The following CHL1 variants were observed in gnomAD, a reference collection of about 807,000 sequenced individuals.
CHL1 encodes the protein cell adhesion molecule L1 like.
A neutral mutation model predicts 141.9 loss-of-function variants in CHL1; 96 were observed. That is an observed-to-expected ratio of 0.68 (90% confidence interval 0.57 to 0.80). The LOEUF is 0.80. Ranked by LOEUF, CHL1 falls within the 30% of genes least tolerant of loss-of-function variation. The probability of loss-of-function intolerance (pLI) is 0.00; values close to 1 mark genes in which losing one functional copy is unlikely to be tolerated. For missense variants in CHL1, 1,820 were observed against 1,457.2 expected, an observed-to-expected ratio of 1.25 and a Z score of -4.05; for synonymous variants, 613 against 502.2, an observed-to-expected ratio of 1.22 and a Z score of -2.95.
At chr3:211,789 T>A (rs1249581272) in intron 1 of CHL1, among the ~76,000 whole-genome samples, 3 of 152,240 alleles carry the variant, frequency 2.0e-5, no homozygotes, top group African/African-American at 7.2e-5. Context: ...AATTTAGTTC[T>A]GTATTGGTAA....
chr3:359,855 A>G (rs1414953706), intron 11 of CHL1, among the ~76,000 whole-genome samples: 1 of 152,186 alleles, frequency 6.6e-6, no homozygotes, highest in Non-Finnish European at 1.5e-5. Flanking sequence ...AAAAGCGTCA[A>G]GGGGGAAAAT....
intron 2 of CHL1, among the ~76,000 whole-genome samples, chr3:306,812 G>T (rs1222827249): frequency 6.6e-6 from 1 of 152,140 alleles, no homozygotes; most frequent in African/African-American, 2.4e-5. Context: ...ATCTCTGAAA[G>T]AATCTATTAA....
chr3:310,272 T>G (rs1213433269), intron 2 of CHL1, among the ~76,000 whole-genome samples: 1 of 151,960 alleles, frequency 6.6e-6, no homozygotes, highest in African/African-American at 2.4e-5. Flanking sequence ...CTCTATAATT[T>G]TTTTTTTAAT....
At chr3:232,885 C>T (rs1343530330) in intron 1 of CHL1, among the ~76,000 whole-genome samples, 3 of 152,146 alleles carry the variant, frequency 2.0e-5, no homozygotes, top group Admixed American at 2.0e-4. Context: ...TACTCCACTT[C>T]CTTTTCTACT....
At chr3:355,968 G>A (rs577389764) in intron 11 of CHL1, among the ~76,000 whole-genome samples, 1 of 152,170 alleles carries the variant, frequency 6.6e-6, no homozygotes, top group East Asian at 1.9e-4. Flanking sequence ...ACTGACTCAC[G>A]GGGTTGTTTT....
intron 2 of CHL1, among the ~76,000 whole-genome samples, chr3:249,814 T>G (rs1324584160): frequency 6.6e-6 from 1 of 152,178 alleles, no homozygotes; most frequent in Non-Finnish European, 1.5e-5. Context: ...TATGTAATTT[T>G]TGTTGTTTCA....
At position 405,290 on chromosome 3, in the gene CHL1, C is replaced by T. The variant is rs373172373; in HGVS notation, c.3459-205C>T. 2.5e-4 allele frequency among the ~76,000 whole-genome samples: 38 copies of T among 152,240 alleles called. No individual in the cohort carries two copies. In the South Asian group the frequency reaches 7.7e-3, roughly 31 times the overall value. ...ATGAAAAATTGTTTGGTGGAAATTG[C>T]TTATGACTTTGTAGACATGTGTTTA... On this transcript the variant is annotated intron_variant, in intron 27 of 27. Coordinates refer to ENST00000256509, the MANE Select transcript of CHL1 (RefSeq NM_006614.4).
chr3:363,476 G>A (rs1406687720), intron 14 of CHL1, 93 bp downstream of exon 14: 11 of 1,167,062 alleles, frequency 9.4e-6, no homozygotes, highest in Non-Finnish European at 1.3e-5. Context: ...TTAAGTTGGA[G>A]TACCAGATAA....
intron 2 of CHL1, among the ~76,000 whole-genome samples, chr3:275,033 C>G (rs1375327867): frequency 6.6e-6 from 1 of 152,336 alleles, no homozygotes; most frequent in East Asian, 1.9e-4. Flanking sequence ...CAGTGTGGTC[C>G]TACTCACCAC....
intron 10 of CHL1, among the ~76,000 whole-genome samples, chr3:351,710 G>T (rs1024213525): frequency 6.6e-6 from 1 of 152,028 alleles, no homozygotes; most frequent in Non-Finnish European, 1.5e-5. Flanking sequence ...GATTCTTTCT[G>T]TATGTGCAAT....
intron 1 of CHL1, among the ~76,000 whole-genome samples, chr3:204,400 T>G (rs1186748059): frequency 6.6e-6 from 1 of 152,240 alleles, no homozygotes; most frequent in Non-Finnish European, 1.5e-5. Context: ...ATCCTTCTTC[T>G]TTGTTATAGT....
At chr3:354,063 C>G (rs1703493231) in intron 10 of CHL1, among the ~76,000 whole-genome samples, 1 of 152,028 alleles carries the variant, frequency 6.6e-6, no homozygotes, top group Admixed American at 6.6e-5. Flanking sequence ...CTGCAGAAAG[C>G]TAAACACTGC....
intron 2 of CHL1, among the ~76,000 whole-genome samples, chr3:246,008 T>C (rs1234504596): frequency 6.6e-6 from 1 of 152,134 alleles, no homozygotes; most frequent in Admixed American, 6.6e-5. Context: ...TTGAAGTATA[T>C]TCTAATATCC....
Position 319,608 on chromosome 3 carries a change from A to AG in CHL1, c.-94-75_-94-74insG, listed in dbSNP as rs1249279370. 1.6e-5 allele frequency: 8 copies of AG among 511,670 alleles called. No homozygotes were observed. In the East Asian group the frequency reaches 2.0e-4, roughly 13 times the overall value. The allele number at this position is 511,670 out of a possible 1,614,324, so 31.7% of individuals were successfully genotyped here. ...TGCCAAACCAAAAAAAAAAAAAAAA[A>AG]AAGAAGGTATTTAATTTGTTCTGTT... On this transcript the variant is annotated intron_variant, in intron 2 of 27. Coordinates refer to ENST00000256509, the MANE Select transcript of CHL1 (RefSeq NM_006614.4).
In CHL1 at chr3:358,964, A is replaced by T. The variant is rs186879223; in HGVS notation, c.1166-1320A>T. On this transcript the variant is annotated intron_variant, in intron 11 of 27. Transcript: ENST00000256509. Reference sequence around the variant, plus strand: ...CCTTCCCACTGGATTTATATATATAAAATATATGTTATATATATATATATT... The same window carrying T: ...CCTTCCCACTGGATTTATATATATATAATATATGTTATATATATATATATT... Among the ~76,000 whole-genome samples, 779 of 146,014 alleles carry T rather than the reference A, an allele frequency of 5.3e-3. 6 individuals carry two copies. Among genetic ancestry groups the T allele is most frequent in the African/African-American group, 0.019 (745 of 40,214 alleles).
At chr3:297,745 A>G (rs1698326870) in intron 2 of CHL1, among the ~76,000 whole-genome samples, 1 of 152,174 alleles carries the variant, frequency 6.6e-6, no homozygotes, top group Non-Finnish European at 1.5e-5. Flanking sequence ...ATCTGAGCTT[A>G]AGCTTTTGTT....
intron 11 of CHL1, among the ~76,000 whole-genome samples, chr3:356,057 G>T (rs1378311097): frequency 1.3e-5 from 2 of 152,104 alleles, no homozygotes; most frequent in African/African-American, 4.8e-5. Flanking sequence ...AGGTATGGTT[G>T]GTTGGTATTG....
Position 406,597 on chromosome 3 carries a change from A to G in CHL1, c.*886A>G, listed in dbSNP as rs1396562890. 3 of 152,114 alleles carry G rather than the reference A, an allele frequency of 2.0e-5. No homozygotes were observed. Among genetic ancestry groups the G allele is most frequent in the Admixed American group, 2.0e-4 (3 of 15,244 alleles). The allele number at this position is 152,114 out of a possible 1,614,324, so 9.4% of individuals were successfully genotyped here. On this transcript the variant is annotated 3_prime_UTR_variant, in exon 28 of 28. Coordinates refer to ENST00000256509, the MANE Select transcript of CHL1 (RefSeq NM_006614.4). ...ATGGTATGCTTGCATATATTTCATGAATACATTGTACATATTATGTTAATA... is the reference window on the plus strand; with the variant it reads ...ATGGTATGCTTGCATATATTTCATGGATACATTGTACATATTATGTTAATA...
Position 365,940 on chromosome 3 carries a change from G to C in CHL1, c.1586-10G>C, listed in dbSNP as rs778964024. The C allele has an allele frequency of 3.1e-6, 5 of 1,608,998 alleles. No homozygotes were observed. The South Asian group carries it at 5.5e-5, about 18-fold the overall frequency. ...TAGTTCTAACTAATATCTTTGTTTG[G>C]TAAAAACAGATGCTACAAAACTTAG... On this transcript the variant is annotated splice_polypyrimidine_tract_variant and intron_variant, in intron 14 of 27. Coordinates refer to ENST00000256509, the MANE Select transcript of CHL1 (RefSeq NM_006614.4).
Sources: gnomAD v4.1 joint callset for allele counts (sites outside exome capture counted in the v4.1 genomes callset) on GRCh38, gnomAD v4.1.1 for gene constraint, MANE v1.5 for transcripts, NCBI Gene and HGNC (gene_info 2026-07-23, HGNC 2026-07-21) for gene names.